PCDHA1: variants seen among roughly 807,000 people sequenced by gnomAD.
PCDHA1 encodes protocadherin alpha-1.
A neutral mutation model predicts 61.3 loss-of-function variants in PCDHA1; 42 were observed. The ratio of observed to expected loss-of-function variants is 0.69; its 90% CI spans 0.54 to 0.89. The LOEUF is 0.89. Ranked by LOEUF, PCDHA1 falls within the 40% of genes least tolerant of loss-of-function variation. PCDHA1 has a pLI of 0.00. For synonymous variants in PCDHA1, 610 were observed against 553.8 expected, an observed-to-expected ratio of 1.10 and a Z score of -1.43; for missense variants, 1,256 against 1,235.3, an observed-to-expected ratio of 1.02 and a Z score of -0.25.
intron 1 of PCDHA1, chr5:140,884,430 T>C: frequency 1.9e-6 from 3 of 1,613,922 alleles, no homozygotes; most frequent in Non-Finnish European, 2.5e-6. Context: ...TATACTGCGC[T>C]GCGGTGCTCG....
At chr5:140,885,274 AT>A (rs2153409165) in intron 1 of PCDHA1, among the ~76,000 whole-genome samples, 1 of 152,248 alleles carries the variant, frequency 6.6e-6, no homozygotes, top group South Asian at 2.1e-4. Context: ...ATACATATAT[AT>A]ATACATATAT....
At chr5:140,906,961 T>C (rs143429690) in intron 1 of PCDHA1, among the ~76,000 whole-genome samples, 1 of 152,268 alleles carries the variant, frequency 6.6e-6, no homozygotes, top group African/African-American at 2.4e-5. Flanking sequence ...TTTAATGGAA[T>C]CGTGGTTGTG....
intron 1 of PCDHA1, among the ~76,000 whole-genome samples, chr5:140,913,322 T>G (rs1348973730): frequency 6.6e-6 from 1 of 152,190 alleles, no homozygotes; most frequent in Non-Finnish European, 1.5e-5. Context: ...GTAAGTTGTA[T>G]GTGTCTAGGA....
chr5:140,821,638 A>AT, intron 1 of PCDHA1: 1 of 1,026,086 alleles, frequency 9.7e-7, no homozygotes, highest in Non-Finnish European at 1.4e-6. Flanking sequence ...AGAAAGGAAA[A>AT]GAACCTTCCA....
At chr5:140,848,364 G>T in intron 1 of PCDHA1, 1 of 1,077,714 alleles carries the variant, frequency 9.3e-7, no homozygotes, top group South Asian at 1.6e-5. Flanking sequence ...CCATGGGAAA[G>T]AGGCTCAATT....
chr5:140,984,138 G>A (rs1476039645), intron 3 of PCDHA1, among the ~76,000 whole-genome samples: 1 of 152,194 alleles, frequency 6.6e-6, no homozygotes, highest in East Asian at 1.9e-4. Flanking sequence ...GGATGTGGAG[G>A]CATCTGGGAA....
In PCDHA1 at chr5:140,829,776, C is replaced by A. The variant is rs2150174390; in HGVS notation, c.2394+41092C>A. On this transcript the variant is annotated intron_variant, in intron 1 of 3. Coordinates refer to ENST00000504120, the MANE Select transcript of PCDHA1 (RefSeq NM_018900.4). The stretch of plus-strand genomic sequence containing the variant: ...TTCGTGCTGGACGAGAACGACAACG[C>A]GCCGGCGCTGCTGGCGCCTCGGGTG... The A allele has an allele frequency of 9.3e-6, 15 of 1,613,686 alleles. No homozygotes were observed. In the East Asian group the frequency reaches 3.3e-4, roughly 36 times the overall value.
intron 1 of PCDHA1, among the ~76,000 whole-genome samples, chr5:140,970,594 T>C (rs975404675): frequency 6.6e-6 from 1 of 152,206 alleles, no homozygotes; most frequent in Admixed American, 6.5e-5. Flanking sequence ...ATATGCTTTG[T>C]GATACTTAAA....
At chr5:140,789,376 C>T (rs1383577118) in intron 1 of PCDHA1, among the ~76,000 whole-genome samples, 6 of 152,090 alleles carry the variant, frequency 3.9e-5, no homozygotes, top group Admixed American at 2.6e-4. Context: ...CGCTTGAACC[C>T]GGGAGGCAGA....
At chr5:140,850,722 A>T (rs2150495731) in intron 1 of PCDHA1, 1 of 1,597,444 alleles carries the variant, frequency 6.3e-7, no homozygotes, top group Non-Finnish European at 8.6e-7. Flanking sequence ...GGTGTGTTCT[A>T]GCGCGGTGGG....
chr5:140,791,611 G>A (rs1761666505), intron 1 of PCDHA1, among the ~76,000 whole-genome samples: 1 of 152,138 alleles, frequency 6.6e-6, no homozygotes, highest in Non-Finnish European at 1.5e-5. Flanking sequence ...AAATACAACT[G>A]TAGGAGAACA....
intron 1 of PCDHA1, among the ~76,000 whole-genome samples, chr5:140,854,845 T>C (rs1554147464): frequency 6.7e-6 from 1 of 149,904 alleles, no homozygotes; most frequent in Non-Finnish European, 1.5e-5. Flanking sequence ...CTGACATTGA[T>C]AAAATTACTA....
At chr5:140,884,469 C>A in intron 1 of PCDHA1, 1 of 1,613,766 alleles carries the variant, frequency 6.2e-7, no homozygotes, top group Non-Finnish European at 8.5e-7. Flanking sequence ...GCGTGCGCGC[C>A]GGGCAAGCCC....
At chr5:140,905,787 G>A (rs1468265319) in intron 1 of PCDHA1, among the ~76,000 whole-genome samples, 1 of 152,012 alleles carries the variant, frequency 6.6e-6, no homozygotes, top group Non-Finnish European at 1.5e-5. Context: ...TATTAGTCAG[G>A]GTTCTCTAGA....
intron 1 of PCDHA1, chr5:140,856,917 G>T: frequency 6.3e-7 from 1 of 1,595,592 alleles, no homozygotes; most frequent in South Asian, 1.1e-5. Flanking sequence ...ACGATAAGAA[G>T]GAAATTTTGG....
At chr5:141,002,567 C>T (rs2098086110) in intron 3 of PCDHA1, among the ~76,000 whole-genome samples, 1 of 152,210 alleles carries the variant, frequency 6.6e-6, no homozygotes, top group Admixed American at 6.5e-5. Context: ...CAGTTAGTGA[C>T]CATGTGACCA....
intron 1 of PCDHA1, among the ~76,000 whole-genome samples, chr5:140,912,582 T>C (rs2075986919): frequency 6.6e-6 from 1 of 152,214 alleles, no homozygotes. Context: ...TTTTCCAATT[T>C]GGATGCCCTT....
chr5:140,871,184 A>T, intron 1 of PCDHA1: 1 of 1,613,552 alleles, frequency 6.2e-7, no homozygotes, highest in Non-Finnish European at 8.5e-7. Flanking sequence ...GCGCTGGTGG[A>T]TGTCAACGTG....
At chr5:140,888,436 G>A (rs782695641) in intron 1 of PCDHA1, among the ~76,000 whole-genome samples, 5 of 152,104 alleles carry the variant, frequency 3.3e-5, no homozygotes, top group Non-Finnish European at 7.4e-5. Flanking sequence ...CAGGACAGCC[G>A]CCCAACAATA....
Sources: allele counts gnomAD v4.1 joint callset (sites outside exome capture counted in the v4.1 genomes callset), GRCh38; gene constraint gnomAD v4.1.1; transcripts MANE v1.5; gene names NCBI Gene and HGNC (gene_info 2026-07-23, HGNC 2026-07-21).